The following OXR1 variants were observed in gnomAD, a reference collection of about 807,000 sequenced individuals.
The protein encoded by OXR1 is oxidation resistance protein 1.
OXR1 carries 41 observed loss-of-function variants against 104.6 expected under a neutral mutation model. The ratio of observed to expected loss-of-function variants is 0.39; its 90% CI spans 0.31 to 0.51. The LOEUF (loss-of-function observed/expected upper bound fraction) is 0.51, where lower values mean the gene tolerates loss of function less well. OXR1 is among the 20% of genes least tolerant of loss of function. The pLI, the probability that OXR1 is intolerant of heterozygous loss-of-function variation, is 0.77. For synonymous variants in OXR1, 348 were observed against 348.4 expected, an observed-to-expected ratio of 1.00 and a Z score of 0.01; for missense variants, 955 against 1,031.9, an observed-to-expected ratio of 0.93 and a Z score of 1.02.
chr8:106,639,309 G>A (rs974117309), intron 3 of OXR1, among the ~76,000 whole-genome samples: 5 of 152,184 alleles, frequency 3.3e-5, no homozygotes, highest in Non-Finnish European at 5.9e-5. Flanking sequence ...TACTGCAGGT[G>A]CTTCCATAAA....
intron 1 of OXR1, among the ~76,000 whole-genome samples, chr8:106,298,565 G>A (rs1028786073): frequency 3.3e-5 from 5 of 152,196 alleles, no homozygotes; most frequent in Admixed American, 2.0e-4. Flanking sequence ...CTATAATGCC[G>A]ATGTTTTCTG....
intron 3 of OXR1, among the ~76,000 whole-genome samples, chr8:106,678,045 G>C (rs1827780210): frequency 6.6e-6 from 1 of 152,054 alleles, no homozygotes; most frequent in Non-Finnish European, 1.5e-5. Flanking sequence ...ACTTAACACT[G>C]TGTCAGATGC....
intron 1 of OXR1, among the ~76,000 whole-genome samples, chr8:106,279,245 C>G (rs1812182200): frequency 6.6e-6 from 1 of 152,030 alleles, no homozygotes; most frequent in African/African-American, 2.4e-5. Context: ...TTTTAATTAT[C>G]TGAAATATGA....
intron 3 of OXR1, among the ~76,000 whole-genome samples, chr8:106,662,235 T>C (rs1182730998): frequency 1.3e-5 from 2 of 152,230 alleles, no homozygotes; most frequent in African/African-American, 4.8e-5. Flanking sequence ...ATAGCATATA[T>C]GTTACTGGTA....
intron 1 of OXR1, among the ~76,000 whole-genome samples, chr8:106,298,158 C>A (rs1269768396): frequency 6.6e-6 from 1 of 152,090 alleles, no homozygotes; most frequent in Admixed American, 6.6e-5. Context: ...AAAAATAAGT[C>A]CTTACAATAG....
intron 2 of OXR1, among the ~76,000 whole-genome samples, chr8:106,514,151 GTCT>G (rs1812717853): frequency 6.6e-6 from 1 of 151,890 alleles, no homozygotes; most frequent in African/African-American, 2.4e-5. Flanking sequence ...GCTTATTTTT[GTCT>G]TCATTTTTAA....
chr8:106,737,094 C>T lies in OXR1; in HGVS notation c.1957-426C>T, dbSNP rs555341751. Among the ~76,000 whole-genome samples, 4 of 152,186 alleles carry T rather than the reference C, an allele frequency of 2.6e-5. No homozygotes were observed. In the South Asian group the frequency reaches 8.3e-4, roughly 32 times the overall value. On this transcript the variant is annotated intron_variant, in intron 11 of 16. Coordinates refer to ENST00000517566, the MANE Select transcript of OXR1 (RefSeq NM_001198533.2). ...CTAGAAGAAATTCTTCCAGCATGGC[C>T]ATTAGGATATAATGTTTGAGCTCAC... is the stretch of plus-strand genomic sequence containing the variant.
Position 106,611,630 on chromosome 8 carries a change from G to A in OXR1, c.221-67580G>A, listed in dbSNP as rs1346157669. On this transcript the variant is annotated intron_variant, in intron 3 of 16. Transcript: ENST00000517566. ...AAGTAGATCAAAGTGTTTGTCCCAC[G>A]CAAATTGGCAGCGCTTGTCAGAGTG... is the stretch of plus-strand genomic sequence containing the variant. 2.6e-5 allele frequency among the ~76,000 whole-genome samples: 4 copies of A among 152,150 alleles called. No individual in the cohort carries two copies. In the East Asian group the frequency reaches 7.7e-4, roughly 29 times the overall value.
intron 2 of OXR1, among the ~76,000 whole-genome samples, chr8:106,429,091 A>G (rs115101750): frequency 0.011 from 1,643 of 152,262 alleles, 32 homozygotes; most frequent in African/African-American, 0.037. Context: ...TGGCGGAGGC[A>G]GGGAAGCCAC....
At chr8:106,344,906 C>A (rs137959486) in intron 1 of OXR1, among the ~76,000 whole-genome samples, 3 of 152,300 alleles carry the variant, frequency 2.0e-5, no homozygotes, top group African/African-American at 7.2e-5. Context: ...ACACCATCTG[C>A]ATCTGACACA....
intron 3 of OXR1, among the ~76,000 whole-genome samples, chr8:106,625,194 CAT>C (rs1250462129): frequency 6.6e-6 from 1 of 152,156 alleles, no homozygotes; most frequent in Non-Finnish European, 1.5e-5. Context: ...CCATACCCCA[CAT>C]GTTTTGACAT....
rs773356348 is a variant in OXR1, at chr8:106,275,467, G to A, written c.-139+5100G>A. 6.6e-5 allele frequency among the ~76,000 whole-genome samples: 10 copies of A among 152,296 alleles called. No homozygotes were observed. The East Asian group carries it at 1.9e-3, about 29-fold the overall frequency. On this transcript the variant is annotated intron_variant, in intron 1 of 16. Coordinates refer to ENST00000517566, the MANE Select transcript of OXR1 (RefSeq NM_001198533.2). The stretch of plus-strand genomic sequence containing the variant: ...CAGTTTTGTTCTAATGGTGTTTGCA[G>A]CAAAGGCTCTAACCACACACTTTCA...
intron 2 of OXR1, among the ~76,000 whole-genome samples, chr8:106,381,532 G>C (rs1817149006): frequency 6.6e-6 from 1 of 152,116 alleles, no homozygotes; most frequent in Non-Finnish European, 1.5e-5. Flanking sequence ...ACAGGGAGCT[G>C]TATAATAATG....
chr8:106,435,349 G>A (rs973708370), intron 2 of OXR1, among the ~76,000 whole-genome samples: 1 of 152,112 alleles, frequency 6.6e-6, no homozygotes, highest in Non-Finnish European at 1.5e-5. Context: ...TCTTGACAGA[G>A]TCTCTACTTG....
At chr8:106,505,067 T>A (rs980493859) in intron 2 of OXR1, among the ~76,000 whole-genome samples, 2 of 152,230 alleles carry the variant, frequency 1.3e-5, no homozygotes, top group Admixed American at 1.3e-4. Flanking sequence ...ATTTTCAGAT[T>A]TAAAAATTGG....
intron 2 of OXR1, among the ~76,000 whole-genome samples, chr8:106,466,838 A>T (rs995604618): frequency 6.6e-6 from 1 of 151,862 alleles, no homozygotes; most frequent in Non-Finnish European, 1.5e-5. Context: ...GCAAAATACA[A>T]CCCTGATTAA....
chr8:106,369,584 G>A (rs116063748), intron 2 of OXR1, among the ~76,000 whole-genome samples: 2,631 of 152,140 alleles, frequency 0.017, 75 homozygotes, highest in African/African-American at 0.06. Flanking sequence ...ATAAGATGAC[G>A]GAAGGGGTCC....
chr8:106,457,237 G>A (rs1340341644), intron 2 of OXR1, among the ~76,000 whole-genome samples: 1 of 152,062 alleles, frequency 6.6e-6, no homozygotes, highest in Non-Finnish European at 1.5e-5. Context: ...AGTTGTCTTG[G>A]GATAGGTTTC....
At chr8:106,296,105 G>C (rs1011782519) in intron 1 of OXR1, among the ~76,000 whole-genome samples, 1 of 152,182 alleles carries the variant, frequency 6.6e-6, no homozygotes, top group African/African-American at 2.4e-5. Flanking sequence ...TTCAAAGCCA[G>C]TGTTGTTTGA....
Sources: allele counts gnomAD v4.1 joint callset (sites outside exome capture counted in the v4.1 genomes callset), GRCh38; gene constraint gnomAD v4.1.1; transcripts MANE v1.5; gene names NCBI Gene and HGNC (gene_info 2026-07-23, HGNC 2026-07-21).